The following SLC22A15 variants were observed in gnomAD, a reference collection of about 807,000 sequenced individuals.
SLC22A15 encodes the protein flipt 1.
SLC22A15 carries 45 observed loss-of-function variants against 62.7 expected under a neutral mutation model. That is an observed-to-expected ratio of 0.72 (90% CI 0.56 to 0.92). The LOEUF is 0.92. Among genes scored for constraint, SLC22A15 ranks in the 40% least tolerant of loss-of-function variants. The pLI, the probability that SLC22A15 is intolerant of heterozygous loss-of-function variation, is 0.00. For missense variants in SLC22A15, 622 were observed against 665.6 expected (o/e 0.93, Z 0.72); for synonymous variants, 264 against 267.0 (o/e 0.99, Z 0.11).
At chr1:115,988,638 A>C (rs1226471795) in intron 1 of SLC22A15, among the ~76,000 whole-genome samples, 1 of 151,814 alleles carries the variant, frequency 6.6e-6, no homozygotes, top group Admixed American at 6.6e-5. Flanking sequence ...CTTCTGCCTC[A>C]GCCTCCCAAG....
intron 8 of SLC22A15, among the ~76,000 whole-genome samples, chr1:116,052,502 C>T (rs1211586730): frequency 6.6e-6 from 1 of 152,256 alleles, no homozygotes; most frequent in African/African-American, 2.4e-5. Context: ...GCAGCAACCT[C>T]TGCAAACTTA....
chr1:116,062,051 A>G (rs1257476014), intron 8 of SLC22A15, among the ~76,000 whole-genome samples: 2 of 152,116 alleles, frequency 1.3e-5, no homozygotes, highest in Non-Finnish European at 1.5e-5. Context: ...TCTACCAAAA[A>G]TACAAAAATT....
In SLC22A15 at chr1:116,069,841, G is replaced by A. The variant is rs1433674181; in HGVS notation, c.*2733G>A. 1 of 152,162 alleles carries A rather than the reference G, an allele frequency of 6.6e-6. No homozygotes were observed. Among genetic ancestry groups the A allele is most frequent in the Non-Finnish European group, 1.5e-5 (1 of 68,026 alleles). 9.4% of individuals were successfully genotyped at this position (152,162 alleles called of 1,614,324 possible). ...GGGCAAATTGATGAAGATACTTTTA[G>A]TAGGTGATTTATATTCATAACAAAT... On this transcript the variant is annotated 3_prime_UTR_variant, in exon 12 of 12. Coordinates refer to ENST00000369503, the MANE Select transcript of SLC22A15 (RefSeq NM_018420.3).
chr1:115,980,715 G>C (rs1459161183), intron 1 of SLC22A15, among the ~76,000 whole-genome samples: 1 of 152,074 alleles, frequency 6.6e-6, no homozygotes, highest in Non-Finnish European at 1.5e-5. Flanking sequence ...GAGATTGGTT[G>C]CCTCTTGGGA....
chr1:115,982,613 C>T (rs890319166), intron 1 of SLC22A15, among the ~76,000 whole-genome samples: 6 of 152,120 alleles, frequency 3.9e-5, no homozygotes, highest in Non-Finnish European at 7.3e-5. Context: ...TTCACAAACC[C>T]ACGCAGCCCA....
intron 2 of SLC22A15, chr1:116,015,447 A>G (rs1026607396): frequency 6.6e-6 from 1 of 152,204 alleles, no homozygotes; most frequent in African/African-American, 2.4e-5. Context: ...CCCTTGGGCT[A>G]CTTCTTCCTA....
At chr1:116,053,401 A>G (rs1466759935) in intron 8 of SLC22A15, among the ~76,000 whole-genome samples, 1 of 152,244 alleles carries the variant, frequency 6.6e-6, no homozygotes, top group Non-Finnish European at 1.5e-5. Flanking sequence ...ATATGGGACT[A>G]TGTGAAAAAA....
intron 2 of SLC22A15, among the ~76,000 whole-genome samples, chr1:115,993,750 C>G (rs1655273460): frequency 6.6e-6 from 1 of 152,262 alleles, no homozygotes; most frequent in Admixed American, 6.5e-5. Context: ...ACACAGAACA[C>G]AGTAGAGACC....
chr1:116,025,433 C>A (rs1657040523), intron 4 of SLC22A15, among the ~76,000 whole-genome samples: 1 of 152,224 alleles, frequency 6.6e-6, no homozygotes, highest in Non-Finnish European at 1.5e-5. Context: ...GCTGTCACAT[C>A]AGCTTTCCTT....
chr1:116,042,802 T>C (rs1657823558), intron 8 of SLC22A15, among the ~76,000 whole-genome samples: 2 of 152,188 alleles, frequency 1.3e-5, no homozygotes, highest in African/African-American at 2.4e-5. Context: ...ACAGAAAATA[T>C]AGACTTGAAC....
chr1:115,997,865 G>T (rs190054139), intron 2 of SLC22A15, among the ~76,000 whole-genome samples: 1 of 152,044 alleles, frequency 6.6e-6, no homozygotes, highest in Non-Finnish European at 1.5e-5. Flanking sequence ...TCCTTGTCTT[G>T]TTCTAGATCT....
intron 5 of SLC22A15, chr1:116,027,439 C>T: frequency 4.1e-6 from 2 of 483,436 alleles, no homozygotes; most frequent in South Asian, 2.9e-5. Context: ...AGTGTCATTT[C>T]AGGGCCTCTA....
chr1:115,982,638 T>C (rs1654665982), intron 1 of SLC22A15, among the ~76,000 whole-genome samples: 1 of 152,226 alleles, frequency 6.6e-6, no homozygotes, highest in Non-Finnish European at 1.5e-5. Flanking sequence ...ATTGGTTCTT[T>C]CTTCTGTTCT....
chr1:116,056,325 ATACTT>A (rs1658206823), intron 8 of SLC22A15, among the ~76,000 whole-genome samples: 3 of 144,014 alleles, frequency 2.1e-5, no homozygotes, highest in Admixed American at 1.4e-4. Context: ...AGAGAATAAA[ATACTT>A]AGGAATCCAA....
intron 2 of SLC22A15, among the ~76,000 whole-genome samples, chr1:116,001,930 C>A (rs1256704601): frequency 6.6e-6 from 1 of 152,142 alleles, no homozygotes; most frequent in Non-Finnish European, 1.5e-5. Flanking sequence ...GAGTTAGGTA[C>A]TTATTCTAAT....
At chr1:116,050,764 G>A (rs1430763642) in intron 8 of SLC22A15, among the ~76,000 whole-genome samples, 1 of 152,158 alleles carries the variant, frequency 6.6e-6, no homozygotes, top group East Asian at 1.9e-4. Flanking sequence ...ATCCAAATCA[G>A]TAAAGAGGAA....
At chr1:116,036,470 C>T (rs1291853503) in intron 7 of SLC22A15, among the ~76,000 whole-genome samples, 1 of 152,134 alleles carries the variant, frequency 6.6e-6, no homozygotes, top group African/African-American at 2.4e-5. Context: ...GGATTGAAAT[C>T]TGAAGCAGAG....
Position 115,985,959 on chromosome 1 carries a change from AAAAAG to A in SLC22A15, c.88-6070_88-6066del, listed in dbSNP as rs1248956442. ...AGACTCCATCTCAAAAAAAAAAAAA[AAAAAG>A]AGAGAGAAACAGATGCGATTAAATA... is the stretch of plus-strand genomic sequence containing the variant. On this transcript the variant is annotated intron_variant, in intron 1 of 11. Transcript: ENST00000369503. Among the ~76,000 whole-genome samples, 3 of 151,798 alleles carry A rather than the reference AAAAAG, an allele frequency of 2.0e-5. No individual in the cohort carries two copies. In the East Asian group the frequency reaches 5.8e-4, roughly 29 times the overall value.
At chr1:116,000,116 A>G (rs1332741043) in intron 2 of SLC22A15, among the ~76,000 whole-genome samples, 1 of 152,072 alleles carries the variant, frequency 6.6e-6, no homozygotes, top group Non-Finnish European at 1.5e-5. Flanking sequence ...GTTATTGTTG[A>G]TAATTAAGGA....
Sources: gnomAD v4.1 joint callset for allele counts (sites outside exome capture counted in the v4.1 genomes callset) on GRCh38, gnomAD v4.1.1 for gene constraint, MANE v1.5 for transcripts, NCBI Gene and HGNC (gene_info 2026-07-23, HGNC 2026-07-21) for gene names.